The following HLCS variants were observed in gnomAD, a reference collection of about 807,000 sequenced individuals.
The protein encoded by HLCS is holocarboxylase synthetase.
A neutral mutation model predicts 75.0 loss-of-function variants in HLCS; 53 were observed. The observed-to-expected ratio is 0.71, with a 90% CI of 0.57 to 0.89. The LOEUF (loss-of-function observed/expected upper bound fraction) is 0.89. Among genes scored for constraint, HLCS ranks in the 40% least tolerant of loss-of-function variants. The pLI, the probability that HLCS is intolerant of heterozygous loss-of-function variation, is 0.00. For synonymous variants in HLCS, 431 were observed against 428.6 expected (o/e 1.01, Z -0.07); for missense variants, 966 against 1,074.0 (o/e 0.90, Z 1.41).
chr21:36,951,625 G>A (rs1190542927), intron 2 of HLCS, among the ~76,000 whole-genome samples: 7 of 152,150 alleles, frequency 4.6e-5, no homozygotes, highest in South Asian at 2.1e-4. Flanking sequence ...TCATCTCCAT[G>A]TAACACATGC....
At chr21:36,775,625 G>A (rs538934900) in intron 6 of HLCS, among the ~76,000 whole-genome samples, 18 of 152,278 alleles carry the variant, frequency 1.2e-4, no homozygotes, top group East Asian at 7.7e-4. Flanking sequence ...CCACTCCTCC[G>A]CCAGGAGTCT....
chr21:36,922,501 G>A (rs925559138), intron 5 of HLCS, among the ~76,000 whole-genome samples: 1 of 152,226 alleles, frequency 6.6e-6, no homozygotes, highest in Non-Finnish European at 1.5e-5. Context: ...GGGAGACGCA[G>A]CCATACACAG....
chr21:36,821,658 TCA>T (rs1322812309), intron 6 of HLCS, among the ~76,000 whole-genome samples: 7 of 152,218 alleles, frequency 4.6e-5, no homozygotes, highest in African/African-American at 1.7e-4. Context: ...CTTAGGAATC[TCA>T]GTTATGTCTA....
At chr21:36,880,811 A>C (rs931839796) in intron 6 of HLCS, among the ~76,000 whole-genome samples, 2 of 152,110 alleles carry the variant, frequency 1.3e-5, no homozygotes, top group African/African-American at 4.8e-5. Context: ...ACATCTGCCC[A>C]AACTCCCCTT....
chr21:36,811,170 A>G (rs568924670), intron 6 of HLCS, among the ~76,000 whole-genome samples: 2 of 152,328 alleles, frequency 1.3e-5, no homozygotes, highest in African/African-American at 4.8e-5. Context: ...TACATTTTTA[A>G]CTGATGACGT....
At chr21:36,920,282 A>G (rs1015680161) in intron 5 of HLCS, among the ~76,000 whole-genome samples, 4 of 151,364 alleles carry the variant, frequency 2.6e-5, no homozygotes, top group African/African-American at 4.9e-5. Flanking sequence ...GCAGTGAGCC[A>G]TGATCATGCC....
intron 10 of HLCS, 105 bp downstream of exon 10, chr21:36,756,433 AGAGT>A: frequency 1.4e-6 from 1 of 732,446 alleles, no homozygotes; most frequent in Non-Finnish European, 2.1e-6. Flanking sequence ...CCTGGGCGAC[AGAGT>A]GAGACTCCGT....
At chr21:36,946,366 C>T (rs1359302499) in intron 2 of HLCS, among the ~76,000 whole-genome samples, 1 of 151,994 alleles carries the variant, frequency 6.6e-6, no homozygotes, top group Non-Finnish European at 1.5e-5. Context: ...CTCAGCCTCC[C>T]GAGTAGCTGG....
intron 2 of HLCS, among the ~76,000 whole-genome samples, chr21:36,960,036 G>T (rs1177656078): frequency 2.6e-5 from 4 of 151,134 alleles, no homozygotes; most frequent in Non-Finnish European, 5.9e-5. Flanking sequence ...ATGCTTCCAG[G>T]TGCCACCATG....
At chr21:36,789,970 T>C (rs1345845724) in intron 6 of HLCS, among the ~76,000 whole-genome samples, 3 of 152,196 alleles carry the variant, frequency 2.0e-5, no homozygotes, top group Non-Finnish European at 4.4e-5. Context: ...GGGTCAAGGA[T>C]ATTAACTTTT....
chr21:36,792,776 A>G (rs2060909186), intron 6 of HLCS, among the ~76,000 whole-genome samples: 1 of 152,132 alleles, frequency 6.6e-6, no homozygotes, highest in South Asian at 2.1e-4. Context: ...AGCTGTTACA[A>G]CACGTGGTGC....
chr21:36,969,179 C>T (rs2146703655), upstream of HLCS, among the ~76,000 whole-genome samples: 1 of 152,230 alleles, frequency 6.6e-6, no homozygotes, highest in East Asian at 1.9e-4. Context: ...GTTTATGATC[C>T]CGCCCTAAAA....
In HLCS at chr21:36,937,233, T is replaced by C; in HGVS notation, c.653A>G (p.Glu218Gly). The change falls in exon 4 of 11, where the codon GAA (glutamate) becomes GGA (glycine). Residue 218 changes from glutamate to glycine, a missense_variant. Glu to Gly is a moderately conservative substitution (Grantham distance 98, BLOSUM62 -2). Coordinates refer to ENST00000674895, the MANE Select transcript of HLCS (RefSeq NM_001352514.2). The part of the protein sequence containing the change: ...VGRDDPKALG[E>G]EPKQRRGSAS... The stretch of plus-strand genomic sequence containing the variant: ...ACTGCCTCTCCTTTGTTTGGGTTCT[T>C]CACCAAGAGCCTTTGGGTCATCTCT... 6.2e-7 allele frequency: 1 copy of C among 1,614,082 alleles called. No homozygotes were observed. Among genetic ancestry groups the C allele is most frequent in the South Asian group, 1.1e-5 (1 of 91,064 alleles).
At chr21:36,853,988 A>T (rs570441329) in intron 6 of HLCS, among the ~76,000 whole-genome samples, 4 of 152,348 alleles carry the variant, frequency 2.6e-5, no homozygotes, top group African/African-American at 9.6e-5. Context: ...ATATTGTTCT[A>T]TGGGGAAGAA....
chr21:36,916,896 G>C (rs2065957689), intron 5 of HLCS, among the ~76,000 whole-genome samples: 1 of 152,072 alleles, frequency 6.6e-6, no homozygotes, highest in Non-Finnish European at 1.5e-5. Context: ...AGATGTCAAA[G>C]CCTCTCACTC....
intron 6 of HLCS, among the ~76,000 whole-genome samples, chr21:36,772,337 T>C (rs1192164104): frequency 6.6e-6 from 1 of 152,072 alleles, no homozygotes. Context: ...ACGATATGTA[T>C]TTATAGAAAA....
intron 1 of HLCS, among the ~76,000 whole-genome samples, chr21:36,976,392 T>TCACACACACA (rs146534374): frequency 7.1e-6 from 1 of 140,476 alleles, no homozygotes; most frequent in African/African-American, 2.7e-5. Flanking sequence ...AGGAAGTCAG[T>TCACACACACA]CACACACACA....
chr21:36,971,142 ATATT>A (rs1159120034), upstream of HLCS, among the ~76,000 whole-genome samples: 1 of 152,226 alleles, frequency 6.6e-6, no homozygotes, highest in Non-Finnish European at 1.5e-5. Flanking sequence ...AAAGTAGACA[ATATT>A]TAGAGCATCA....
At chr21:36,886,275 C>CA (rs1396911920) in intron 6 of HLCS, among the ~76,000 whole-genome samples, 1 of 151,012 alleles carries the variant, frequency 6.6e-6, no homozygotes, top group East Asian at 1.9e-4. Context: ...ACTAAAAATA[C>CA]AAAAAAAATT....
Sources: allele counts gnomAD v4.1 joint callset (sites outside exome capture counted in the v4.1 genomes callset), GRCh38; gene constraint gnomAD v4.1.1; transcripts MANE v1.5; gene names NCBI Gene and HGNC (gene_info 2026-07-23, HGNC 2026-07-21).